Variants in ACOXL observed in about 807,000 individuals in gnomAD.
ACOXL encodes acyl-coenzyme A oxidase-like protein.
In ACOXL, 70 loss-of-function variants were observed where a neutral mutation model predicts 71.9. That is an observed-to-expected ratio of 0.97 (90% CI 0.80 to 1.19). The LOEUF (loss-of-function observed/expected upper bound fraction) is 1.19, where lower values mean the gene tolerates loss of function less well. Among genes scored for constraint, ACOXL ranks in the 50% most tolerant of loss-of-function variants. The pLI, the probability that ACOXL is intolerant of heterozygous loss-of-function variation, is 0.00. For synonymous variants in ACOXL, 253 were observed against 281.6 expected (o/e 0.90, Z 1.02); for missense variants, 703 against 736.3 (o/e 0.95, Z 0.52).
chr2:110,795,767 C>G (rs1229416744), intron 5 of ACOXL: 2 of 152,166 alleles, frequency 1.3e-5, no homozygotes, highest in Non-Finnish European at 2.9e-5. Flanking sequence ...CTCCCGAAGC[C>G]ATCGTATTAA....
rs72948306 is a variant in ACOXL at position 111,106,928 on chromosome 2, C to T, written c.1543-10688C>T. Among the ~76,000 whole-genome samples, 526 of 152,258 alleles carry T rather than the reference C, an allele frequency of 3.5e-3. 4 individuals carry two copies. Among genetic ancestry groups the T allele is most frequent in the Middle Eastern group, 0.014 (4 of 294 alleles). On this transcript the variant is annotated intron_variant, in intron 17 of 17. Coordinates refer to ENST00000439055, the MANE Select transcript of ACOXL (RefSeq NM_001142807.4). ...CTCACACTGGCAGTGACTCTGTTAC[C>T]GCCATGTGATGACTAAGTCTTGACT...
intron 13 of ACOXL, among the ~76,000 whole-genome samples, chr2:110,993,939 G>A (rs756032369): frequency 1.3e-5 from 2 of 152,114 alleles, no homozygotes; most frequent in African/African-American, 4.8e-5. Context: ...GGATCTTCTT[G>A]TAAAATACAC....
At chr2:110,815,170 A>G (rs751144616) in intron 9 of ACOXL, among the ~76,000 whole-genome samples, 1 of 152,170 alleles carries the variant, frequency 6.6e-6, no homozygotes, top group Non-Finnish European at 1.5e-5. Context: ...CCCTTATAAA[A>G]CCATCAGATC....
intron 14 of ACOXL, among the ~76,000 whole-genome samples, chr2:111,001,412 C>CAAAACAAAACA (rs2063622393): frequency 7.2e-6 from 1 of 139,344 alleles, no homozygotes; most frequent in South Asian, 2.3e-4. Flanking sequence ...CAAAACAAAA[C>CAAAACAAAACA]AAAAAAACCC....
chr2:111,092,542 G>A (rs987944377), intron 16 of ACOXL, among the ~76,000 whole-genome samples: 1 of 152,162 alleles, frequency 6.6e-6, no homozygotes, highest in Admixed American at 6.5e-5. Flanking sequence ...AAATAACGTG[G>A]GCTAGAGGAG....
intron 12 of ACOXL, among the ~76,000 whole-genome samples, chr2:110,983,168 T>G (rs962651577): frequency 6.6e-6 from 1 of 152,244 alleles, no homozygotes; most frequent in Non-Finnish European, 1.5e-5. Context: ...TCTAAGTGTT[T>G]CTGCTTTGGC....
At chr2:111,080,429 C>T (rs1574697295) in intron 16 of ACOXL, among the ~76,000 whole-genome samples, 2 of 152,284 alleles carry the variant, frequency 1.3e-5, no homozygotes, top group Non-Finnish European at 2.9e-5. Context: ...TCTTTGTTCT[C>T]ATTGGTTTCA....
rs376519504 is a variant in ACOXL, at chr2:110,794,180, G to A, written c.345+6G>A. 92 of 1,613,976 alleles carry A rather than the reference G, an allele frequency of 5.7e-5. No individual in the cohort carries two copies. The African/African-American group carries it at 1.2e-3, about 21-fold the overall frequency. ...CCTTTGACCTCTCTGCCCAGGTGAG[G>A]AATCCATCCTTCTCCTGCCGTGCAG... On this transcript the variant is annotated splice_donor_region_variant and intron_variant, in intron 5 of 17. Coordinates refer to ENST00000439055, the MANE Select transcript of ACOXL (RefSeq NM_001142807.4).
chr2:110,864,983 G>A (rs567125358), intron 10 of ACOXL, among the ~76,000 whole-genome samples: 1 of 152,192 alleles, frequency 6.6e-6, no homozygotes, highest in South Asian at 2.1e-4. Flanking sequence ...GGGACAGTTG[G>A]GGCATGGGAA....
chr2:111,065,724 C>T (rs1052220077), intron 16 of ACOXL, among the ~76,000 whole-genome samples: 3 of 152,198 alleles, frequency 2.0e-5, no homozygotes, highest in Non-Finnish European at 2.9e-5. Context: ...GCGTTTCACT[C>T]ATGAGGCTAG....
intron 16 of ACOXL, among the ~76,000 whole-genome samples, chr2:111,066,529 T>C (rs2149905777): frequency 1.3e-5 from 2 of 152,300 alleles, no homozygotes; most frequent in Non-Finnish European, 2.9e-5. Flanking sequence ...GATGTTACCA[T>C]TGGGCGAAAC....
chr2:111,047,442 G>C (rs1321671365), intron 15 of ACOXL, among the ~76,000 whole-genome samples: 1 of 152,166 alleles, frequency 6.6e-6, no homozygotes, highest in African/African-American at 2.4e-5. Context: ...CCTTAAAAAG[G>C]TGATCTAAAG....
chr2:110,934,672 C>G (rs2060596871), intron 12 of ACOXL, among the ~76,000 whole-genome samples: 1 of 152,166 alleles, frequency 6.6e-6, no homozygotes, highest in Non-Finnish European at 1.5e-5. Context: ...AGGGGCTGAG[C>G]CTTCATAAGA....
At chr2:110,772,006 G>C (rs1682005122) in intron 2 of ACOXL, among the ~76,000 whole-genome samples, 1 of 152,204 alleles carries the variant, frequency 6.6e-6, no homozygotes, top group Non-Finnish European at 1.5e-5. Context: ...ATAGCAGACA[G>C]TGACAGCTCA....
chr2:110,822,910 C>A (rs918123480), intron 9 of ACOXL, among the ~76,000 whole-genome samples: 4 of 152,174 alleles, frequency 2.6e-5, no homozygotes, highest in African/African-American at 9.7e-5. Context: ...TAGCATCATA[C>A]AGCAGGTAGC....
intron 12 of ACOXL, among the ~76,000 whole-genome samples, chr2:110,971,673 TC>T (rs1181655202): frequency 6.6e-6 from 1 of 152,196 alleles, no homozygotes; most frequent in Non-Finnish European, 1.5e-5. Flanking sequence ...TAGTGGCAGC[TC>T]CCCATTCCCT....
chr2:110,734,899 A>G (rs1340272156), intron 1 of ACOXL, among the ~76,000 whole-genome samples: 1 of 148,572 alleles, frequency 6.7e-6, no homozygotes, highest in African/African-American at 2.5e-5. Flanking sequence ...ATTGACTTAC[A>G]TTTGTTCATC....
intron 10 of ACOXL, among the ~76,000 whole-genome samples, chr2:110,845,534 G>C (rs901156536): frequency 3.9e-5 from 6 of 152,128 alleles, no homozygotes; most frequent in Admixed American, 3.9e-4. Flanking sequence ...CATCTCCAGA[G>C]CGTTTTCAAC....
intron 10 of ACOXL, among the ~76,000 whole-genome samples, chr2:110,871,380 A>G (rs1454197308): frequency 6.6e-6 from 1 of 152,200 alleles, no homozygotes; most frequent in Non-Finnish European, 1.5e-5. Context: ...GGACAGAAGT[A>G]GGAAATAATA....
Sources: allele counts gnomAD v4.1 joint callset (sites outside exome capture counted in the v4.1 genomes callset), GRCh38; gene constraint gnomAD v4.1.1; transcripts MANE v1.5; gene names NCBI Gene and HGNC (gene_info 2026-07-23, HGNC 2026-07-21).